Variants in CDH18 observed in about 807,000 individuals in gnomAD.
CDH18 encodes cadherin-18.
A neutral mutation model predicts 67.9 loss-of-function variants in CDH18; 31 were observed. The ratio of observed to expected loss-of-function variants is 0.46; its 90% confidence interval spans 0.34 to 0.62. The LOEUF (loss-of-function observed/expected upper bound fraction) is 0.62. Among genes scored for constraint, CDH18 ranks in the 20% least tolerant of loss-of-function variants. The pLI, the probability that CDH18 is intolerant of heterozygous loss-of-function variation, is 0.01. For missense variants in CDH18, 890 were observed against 975.5 expected (o/e 0.91, Z 1.17); for synonymous variants, 362 against 347.2 (o/e 1.04, Z -0.48).
intron 3 of CDH18, among the ~76,000 whole-genome samples, chr5:19,785,179 G>A (rs1235668574): frequency 6.6e-6 from 1 of 152,070 alleles, no homozygotes; most frequent in African/African-American, 2.4e-5. Flanking sequence ...TATGGAGTTT[G>A]AGTTTTTAGT....
intron 2 of CDH18, among the ~76,000 whole-genome samples, chr5:19,976,398 C>G (rs1366309829): frequency 1.3e-5 from 2 of 152,030 alleles, no homozygotes; most frequent in African/African-American, 4.8e-5. Context: ...CACATACACA[C>G]ACATTTGTTG....
At chr5:20,548,551 GTTTAT>G (rs1242507836) in intron 1 of CDH18, among the ~76,000 whole-genome samples, 6 of 151,858 alleles carry the variant, frequency 4.0e-5, no homozygotes, top group African/African-American at 1.2e-4. Context: ...TGGTTTATCT[GTTTAT>G]TTTAACAATG....
intron 2 of CDH18, among the ~76,000 whole-genome samples, chr5:20,099,511 C>A (rs1746273879): frequency 6.6e-6 from 1 of 152,000 alleles, no homozygotes; most frequent in East Asian, 1.9e-4. Context: ...ATTATTGTCT[C>A]CCATTTTCAT....
chr5:19,482,649 T>G (rs1344067264), intron 12 of CDH18, among the ~76,000 whole-genome samples: 1 of 151,992 alleles, frequency 6.6e-6, no homozygotes, highest in Non-Finnish European at 1.5e-5. Context: ...GATGATGTTT[T>G]CCCAATAATA....
At chr5:19,567,639 T>TA (rs1463376895) in intron 8 of CDH18, among the ~76,000 whole-genome samples, 3 of 152,184 alleles carry the variant, frequency 2.0e-5, no homozygotes, top group Non-Finnish European at 4.4e-5. Context: ...ACATTTTTAT[T>TA]AAAATCAAGA....
chr5:19,900,347 CAAT>C (rs894132251), intron 2 of CDH18, among the ~76,000 whole-genome samples: 1 of 151,992 alleles, frequency 6.6e-6, no homozygotes, highest in Non-Finnish European at 1.5e-5. Flanking sequence ...CTACTGTTAA[CAAT>C]AGCGTATATT....
At chr5:20,379,802 A>C (rs963506853) in intron 1 of CDH18, among the ~76,000 whole-genome samples, 3 of 151,760 alleles carry the variant, frequency 2.0e-5, no homozygotes, top group African/African-American at 4.8e-5. Flanking sequence ...TGAAAAAAAA[A>C]CATTAAATTA....
chr5:19,562,369 A>G (rs1280749967), intron 8 of CDH18, among the ~76,000 whole-genome samples: 2 of 151,980 alleles, frequency 1.3e-5, no homozygotes, highest in Non-Finnish European at 2.9e-5. Context: ...TTTTGCTGTT[A>G]TAACATCCAA....
At chr5:20,396,323 T>TA (rs1745276438) in intron 1 of CDH18, among the ~76,000 whole-genome samples, 2 of 152,048 alleles carry the variant, frequency 1.3e-5, no homozygotes, top group African/African-American at 4.8e-5. Flanking sequence ...CCCACACATC[T>TA]AGTGTCAGAA....
intron 2 of CDH18, among the ~76,000 whole-genome samples, chr5:19,950,431 A>G (rs1579757850): frequency 6.6e-6 from 1 of 152,196 alleles, no homozygotes. Flanking sequence ...TACACTGCTC[A>G]GGTGATGGGT....
chr5:19,593,707 C>CCTTCTTCTTCTTCTTCTTCTTCTTCTT (rs1554054958), intron 6 of CDH18, among the ~76,000 whole-genome samples: 1,315 of 33,156 alleles, frequency 0.04, 44 homozygotes, highest in Middle Eastern at 0.065. Context: ...TCCTCCTCCT[C>CCTTCTTCTTCTTCTTCTTCTTCTTCTT]CTTCTTCTTC....
chr5:20,318,994 T>G (rs1737729012), intron 1 of CDH18, among the ~76,000 whole-genome samples: 1 of 152,186 alleles, frequency 6.6e-6, no homozygotes. Flanking sequence ...ACTCTTATTG[T>G]GCCCTAGGCT....
intron 12 of CDH18, among the ~76,000 whole-genome samples, chr5:19,479,811 A>C (rs1739098763): frequency 6.6e-6 from 1 of 152,186 alleles, no homozygotes; most frequent in South Asian, 2.1e-4. Context: ...CTTTTACAGC[A>C]TATTTGAGTT....
At chr5:20,301,749 C>T (rs1425530411) in intron 1 of CDH18, among the ~76,000 whole-genome samples, 2 of 150,986 alleles carry the variant, frequency 1.3e-5, no homozygotes, top group Non-Finnish European at 2.9e-5. Context: ...AGTTTTTCTT[C>T]CCCTCCACAC....
At chr5:19,873,408 C>A (rs1786546663) in intron 2 of CDH18, among the ~76,000 whole-genome samples, 1 of 152,008 alleles carries the variant, frequency 6.6e-6, no homozygotes, top group African/African-American at 2.4e-5. Flanking sequence ...GAGGGAAATT[C>A]TGGTTGTGTT....
chr5:19,837,895 G>A (rs1781861883), intron 3 of CDH18, among the ~76,000 whole-genome samples: 1 of 152,142 alleles, frequency 6.6e-6, no homozygotes. Context: ...AAACTGAAGT[G>A]TGGCTACTTC....
intron 1 of CDH18, among the ~76,000 whole-genome samples, chr5:20,573,765 A>G (rs1004480494): frequency 6.9e-6 from 1 of 145,460 alleles, no homozygotes; most frequent in Admixed American, 7.1e-5. Context: ...ATTCTCAGTT[A>G]ACGGTTTGGC....
At chr5:19,863,792 A>G (rs548034866) in intron 2 of CDH18, among the ~76,000 whole-genome samples, 34 of 152,284 alleles carry the variant, frequency 2.2e-4, no homozygotes, top group African/African-American at 7.7e-4. Context: ...CAAGAACAAC[A>G]TAGGGAGGCT....
Position 19,721,383 on chromosome 5 carries a change from G to A in CDH18, c.607C>T (p.Gln203Ter). The change falls in exon 5 of 13, where the codon CAA becomes TAA. Residue 203 changes from glutamine to a stop codon, truncating the protein, a stop_gained. Transcript: ENST00000382275. LOFTEE classifies it high-confidence loss of function. ...NSARVVYSIL[Q>*]GQPYFSVDPK... ...TCGACGGAGAAGTAGGGTTGTCCTT[G>A]GAGAATGCTGTAAACCACCCGAGCG... The A allele has an allele frequency of 6.2e-7, 1 of 1,608,396 alleles. No homozygotes were observed. The highest frequency in any genetic ancestry group is 8.5e-7 in the Non-Finnish European group (1 of 1,175,790).
Sources: gnomAD v4.1 joint callset for allele counts (sites outside exome capture counted in the v4.1 genomes callset) on GRCh38, gnomAD v4.1.1 for gene constraint, MANE v1.5 for transcripts, NCBI Gene and HGNC (gene_info 2026-07-23, HGNC 2026-07-21) for gene names.